Variants in ZFHX3 observed in about 807,000 individuals in gnomAD.
The protein encoded by ZFHX3 is zinc finger homeobox protein 3.
A neutral mutation model predicts 279.1 loss-of-function variants in ZFHX3; 42 were observed. The ratio of observed to expected loss-of-function variants is 0.15; its 90% CI spans 0.12 to 0.19. The LOEUF (loss-of-function observed/expected upper bound fraction) is 0.19, where lower values mean the gene tolerates loss of function less well. ZFHX3 is among the 10% of genes least tolerant of loss of function. The pLI is 1.00. For synonymous variants in ZFHX3, 2,293 were observed against 1,957.8 expected (o/e 1.17, Z -4.52); for missense variants, 4,981 against 4,754.0 (o/e 1.05, Z -1.40).
At chr16:73,249,163 G>A (rs1428959691) in intron 5 of ZFHX3, among the ~76,000 whole-genome samples, 2 of 152,164 alleles carry the variant, frequency 1.3e-5, no homozygotes, top group Non-Finnish European at 2.9e-5. Context: ...GTGGATGTAT[G>A]GGGAATGCTG....
At chr16:73,614,444 G>A (rs2052278190) in intron 2 of ZFHX3, among the ~76,000 whole-genome samples, 2 of 152,042 alleles carry the variant, frequency 1.3e-5, no homozygotes, top group Admixed American at 1.3e-4. Flanking sequence ...AATACCATTT[G>A]GTCCCCTTTT....
intron 2 of ZFHX3, among the ~76,000 whole-genome samples, chr16:73,664,091 A>G (rs920334079): frequency 1.1e-4 from 16 of 152,224 alleles, no homozygotes; most frequent in African/African-American, 3.9e-4. Flanking sequence ...TGTCATTTTT[A>G]AAAAAGAAAA....
chr16:73,268,561 G>A (rs2014048770), intron 4 of ZFHX3, among the ~76,000 whole-genome samples: 2 of 152,230 alleles, frequency 1.3e-5, no homozygotes, highest in African/African-American at 4.8e-5. Flanking sequence ...ACTGGGACTT[G>A]CTTGTTTTCA....
At chr16:73,612,487 T>C (rs924744740) in intron 2 of ZFHX3, among the ~76,000 whole-genome samples, 2 of 152,216 alleles carry the variant, frequency 1.3e-5, no homozygotes, top group African/African-American at 4.8e-5. Context: ...TTTGATCATG[T>C]TTTGTAGCTT....
intron 3 of ZFHX3, among the ~76,000 whole-genome samples, chr16:72,904,852 A>T (rs1403351933): frequency 6.6e-6 from 1 of 152,124 alleles, no homozygotes; most frequent in African/African-American, 2.4e-5. Context: ...TCTTTCTGAG[A>T]TGGGAGTCTC....
At chr16:73,221,568 CAT>C (rs2012421832) in intron 5 of ZFHX3, among the ~76,000 whole-genome samples, 1 of 151,890 alleles carries the variant, frequency 6.6e-6, no homozygotes, top group Non-Finnish European at 1.5e-5. Context: ...AGAACTTACT[CAT>C]GTAACCAAAA....
At chr16:72,954,921 C>T (rs750784288) in intron 2 of ZFHX3, among the ~76,000 whole-genome samples, 13 of 152,180 alleles carry the variant, frequency 8.5e-5, no homozygotes, top group Non-Finnish European at 1.6e-4. Context: ...AAACATTTTT[C>T]TCCCTGCAGA....
intron 5 of ZFHX3, among the ~76,000 whole-genome samples, chr16:73,166,861 G>A (rs1447020065): frequency 6.6e-6 from 1 of 152,176 alleles, no homozygotes; most frequent in Non-Finnish European, 1.5e-5. Context: ...TCCAGACAGG[G>A]AAAATCTTGA....
intron 1 of ZFHX3, among the ~76,000 whole-genome samples, chr16:73,871,660 A>T (rs968278641): frequency 6.6e-6 from 1 of 152,114 alleles, no homozygotes; most frequent in African/African-American, 2.4e-5. Flanking sequence ...TGACATCAAG[A>T]TGGAAAGCAA....
intron 1 of ZFHX3, among the ~76,000 whole-genome samples, chr16:73,831,414 T>C (rs1960994585): frequency 6.6e-6 from 1 of 152,146 alleles, no homozygotes; most frequent in Non-Finnish European, 1.5e-5. Flanking sequence ...AGTGCTATCG[T>C]TTATTAGAGC....
At chr16:73,618,568 T>C (rs2052327724) in intron 2 of ZFHX3, among the ~76,000 whole-genome samples, 1 of 152,204 alleles carries the variant, frequency 6.6e-6, no homozygotes, top group African/African-American at 2.4e-5. Flanking sequence ...TATGGAGAGA[T>C]AAAAGAGCTG....
chr16:73,245,790 C>T (rs1356789656), intron 5 of ZFHX3, among the ~76,000 whole-genome samples: 2 of 152,160 alleles, frequency 1.3e-5, no homozygotes, highest in Non-Finnish European at 2.9e-5. Flanking sequence ...AGCTGGGCCA[C>T]ACCTCAACTA....
chr16:72,972,053 G>A (rs781240254), intron 1 of ZFHX3, among the ~76,000 whole-genome samples: 9 of 151,800 alleles, frequency 5.9e-5, no homozygotes, highest in African/African-American at 1.7e-4. Context: ...CATCACGGCC[G>A]GCTAATTTTT....
chr16:73,502,250 C>A (rs1007119050), intron 2 of ZFHX3, among the ~76,000 whole-genome samples: 13 of 152,312 alleles, frequency 8.5e-5, no homozygotes, highest in African/African-American at 3.1e-4. Context: ...AATCTGGCGA[C>A]CTGTGCCAAC....
chr16:73,593,987 G>A (rs1483624723), intron 2 of ZFHX3, among the ~76,000 whole-genome samples: 1 of 152,088 alleles, frequency 6.6e-6, no homozygotes, highest in Non-Finnish European at 1.5e-5. Flanking sequence ...GATTAAGAAC[G>A]GGTACCCACT....
chr16:72,865,302 G>T (rs1388459837), intron 4 of ZFHX3, among the ~76,000 whole-genome samples: 3 of 152,198 alleles, frequency 2.0e-5, no homozygotes, highest in Admixed American at 6.5e-5. Context: ...AAGGGCTTGT[G>T]GCTGAGATCC....
intron 3 of ZFHX3, among the ~76,000 whole-genome samples, chr16:72,908,037 T>G (rs1466141876): frequency 6.6e-6 from 1 of 152,128 alleles, no homozygotes; most frequent in Non-Finnish European, 1.5e-5. Flanking sequence ...CCGCCCTTTT[T>G]CTGTCTGCAG....
intron 6 of ZFHX3, among the ~76,000 whole-genome samples, chr16:73,143,544 C>T (rs566286802): frequency 3.3e-5 from 5 of 152,276 alleles, no homozygotes; most frequent in African/African-American, 7.2e-5. Context: ...TAGAGAAATA[C>T]GGCCCGAAAA....
intron 4 of ZFHX3, among the ~76,000 whole-genome samples, chr16:72,851,476 A>C (rs1387945510): frequency 2.0e-5 from 3 of 152,148 alleles, no homozygotes; most frequent in Non-Finnish European, 4.4e-5. Flanking sequence ...GAGTTCCTAC[A>C]GTATTAATAT....
Sources: allele counts gnomAD v4.1 joint callset (sites outside exome capture counted in the v4.1 genomes callset), GRCh38; gene constraint gnomAD v4.1.1; transcripts MANE v1.5; gene names NCBI Gene and HGNC (gene_info 2026-07-23, HGNC 2026-07-21).